The following IGSF10 variants were observed in gnomAD, a reference collection of about 807,000 sequenced individuals.
IGSF10 encodes the protein calvaria mechanical force protein 608.
IGSF10 carries 126 observed loss-of-function variants against 128.2 expected under a neutral mutation model. That is an observed-to-expected ratio of 0.98 (90% CI 0.85 to 1.14). IGSF10 has a LOEUF of 1.14. IGSF10 is among the 50% of genes most tolerant of loss of function. The pLI is 0.00. For synonymous variants in IGSF10, 1,185 were observed against 1,146.2 expected (o/e 1.03, Z -0.68); for missense variants, 3,295 against 3,149.8 (o/e 1.05, Z -1.10).
chr3:151,454,417 T>C (rs1307833885), intron 4 of IGSF10, among the ~76,000 whole-genome samples: 1 of 152,108 alleles, frequency 6.6e-6, no homozygotes, highest in Non-Finnish European at 1.5e-5. Context: ...CAGATGAATA[T>C]TATGAAAATT....
chr3:151,576,901 G>A, the IGSF10 span, among the ~76,000 whole-genome samples: 2 of 151,800 alleles, frequency 1.3e-5, no homozygotes, highest in South Asian at 4.2e-4. Context: ...CATAAAAATA[G>A]CCAGCTACCA....
downstream of IGSF10, chr3:151,432,651 T>G (rs1719666393): frequency 1.2e-6 from 1 of 850,856 alleles, no homozygotes. Flanking sequence ...TCTGTTTCCC[T>G]GTACCTGCAG....
the IGSF10 span, among the ~76,000 whole-genome samples, chr3:151,597,625 A>G: frequency 6.6e-6 from 1 of 152,208 alleles, no homozygotes; most frequent in Non-Finnish European, 1.5e-5. Flanking sequence ...CCTAAAAACT[A>G]CACAACACAG....
the IGSF10 span, among the ~76,000 whole-genome samples, chr3:151,579,995 A>G: frequency 3.9e-5 from 6 of 152,296 alleles, no homozygotes; most frequent in African/African-American, 1.4e-4. Flanking sequence ...AAGTAAAAAG[A>G]CATACACATG....
At chr3:151,441,136 T>C (rs1179915940) in intron 7 of IGSF10, among the ~76,000 whole-genome samples, 1 of 152,200 alleles carries the variant, frequency 6.6e-6, no homozygotes, top group Non-Finnish European at 1.5e-5. Flanking sequence ...TAGGGGGTCT[T>C]CCCTTGGAGA....
At chr3:151,613,237 G>A in the IGSF10 span, among the ~76,000 whole-genome samples, 1 of 152,168 alleles carries the variant, frequency 6.6e-6, no homozygotes, top group East Asian at 1.9e-4. Context: ...TCGTGAAAAT[G>A]GCCATACTGC....
chr3:151,588,663 T>A, the IGSF10 span, among the ~76,000 whole-genome samples: 40 of 152,332 alleles, frequency 2.6e-4, 1 homozygote, highest in Admixed American at 3.3e-4. Flanking sequence ...TGGTAAATAT[T>A]AACTGAGGTC....
At chr3:151,491,916 G>T in the IGSF10 span, among the ~76,000 whole-genome samples, 2 of 152,084 alleles carry the variant, frequency 1.3e-5, no homozygotes, top group African/African-American at 4.8e-5. Flanking sequence ...CAAACCAAGT[G>T]TAAGAATACT....
chr3:151,435,878 T>G (rs570303421), downstream of IGSF10: 2 of 152,248 alleles, frequency 1.3e-5, no homozygotes, highest in South Asian at 2.1e-4. Flanking sequence ...CATAAAGAAT[T>G]AATGAAATGA....
chr3:151,562,000 A>G, the IGSF10 span, among the ~76,000 whole-genome samples: 2 of 152,172 alleles, frequency 1.3e-5, no homozygotes, highest in Non-Finnish European at 2.9e-5. Context: ...TTTGAACCAG[A>G]GCAACTCCAT....
At chr3:151,526,155 G>C in the IGSF10 span, among the ~76,000 whole-genome samples, 70,022 of 152,066 alleles carry the variant, frequency 0.46, 16,537 homozygotes, top group South Asian at 0.55. Flanking sequence ...GGAAAAGTTT[G>C]AGCTACCTGT....
chr3:151,495,959 T>C, the IGSF10 span, among the ~76,000 whole-genome samples: 125,131 of 152,052 alleles, frequency 0.82, 51,580 homozygotes, highest in Middle Eastern at 0.93. Flanking sequence ...CCATATTTGC[T>C]TATATCCGTA....
At chr3:151,503,840 G>A in the IGSF10 span, among the ~76,000 whole-genome samples, 5 of 152,026 alleles carry the variant, frequency 3.3e-5, no homozygotes, top group South Asian at 2.1e-4. Flanking sequence ...TGGTTAGATA[G>A]GAGATAAAAT....
At chr3:151,473,415 A>G in the IGSF10 span, among the ~76,000 whole-genome samples, 3 of 152,204 alleles carry the variant, frequency 2.0e-5, no homozygotes, top group Non-Finnish European at 4.4e-5. Flanking sequence ...AACTTTTTCA[A>G]TCGATAACTT....
At chr3:151,570,345 C>A in the IGSF10 span, among the ~76,000 whole-genome samples, 3 of 152,152 alleles carry the variant, frequency 2.0e-5, no homozygotes, top group South Asian at 6.2e-4. Context: ...GTTTACAGTC[C>A]CACCAACAGT....
the IGSF10 span, among the ~76,000 whole-genome samples, chr3:151,577,129 G>A: frequency 6.6e-6 from 1 of 152,094 alleles, no homozygotes; most frequent in Non-Finnish European, 1.5e-5. Context: ...GTATATACAA[G>A]CATATTTATA....
the IGSF10 span, among the ~76,000 whole-genome samples, chr3:151,530,643 C>CT: frequency 6.6e-6 from 1 of 152,058 alleles, no homozygotes; most frequent in African/African-American, 2.4e-5. Context: ...GAAATAAAGT[C>CT]CTTTACAGAC....
chr3:151,548,051 C>T, the IGSF10 span, among the ~76,000 whole-genome samples: 2 of 152,150 alleles, frequency 1.3e-5, no homozygotes, highest in Non-Finnish European at 2.9e-5. Flanking sequence ...TGTGTACCTT[C>T]CCTTTGAATC....
chr3:151,517,916 T>C, the IGSF10 span, among the ~76,000 whole-genome samples: 1 of 151,914 alleles, frequency 6.6e-6, no homozygotes, highest in African/African-American at 2.4e-5. Context: ...ACAAAAAAAA[T>C]ATAACCTGAA....
Sources: allele counts gnomAD v4.1 joint callset (sites outside exome capture counted in the v4.1 genomes callset), GRCh38; gene constraint gnomAD v4.1.1; transcripts MANE v1.5; gene names NCBI Gene and HGNC (gene_info 2026-07-23, HGNC 2026-07-21).